Variants in BCKDHB observed in about 807,000 individuals in gnomAD.
BCKDHB encodes the protein 2-oxoisovalerate dehydrogenase subunit beta, mitochondrial.
Under a neutral mutation model 48.5 loss-of-function variants are expected in BCKDHB, and 41 were observed. The observed-to-expected ratio is 0.85, with a 90% CI of 0.66 to 1.10. The LOEUF (loss-of-function observed/expected upper bound fraction) is 1.10, where lower values mean the gene tolerates loss of function less well. BCKDHB is among the 50% of genes least tolerant of loss of function. The pLI is 0.00. For synonymous variants in BCKDHB, 201 were observed against 174.8 expected (o/e 1.15, Z -1.18); for missense variants, 496 against 494.2 (o/e 1.00, Z -0.03).
the BCKDHB span, among the ~76,000 whole-genome samples, chr6:80,403,881 A>T: frequency 2.6e-5 from 4 of 152,062 alleles, no homozygotes; most frequent in South Asian, 8.3e-4. Context: ...TATGACATTT[A>T]TTAATTTGTG....
chr6:80,138,433 T>C (rs958687439), intron 3 of BCKDHB, among the ~76,000 whole-genome samples: 1 of 152,028 alleles, frequency 6.6e-6, no homozygotes, highest in Admixed American at 6.6e-5. Context: ...CCCAATGCTA[T>C]TCCTCCCCCG....
At chr6:80,179,254 C>T (rs922768721) in intron 6 of BCKDHB, among the ~76,000 whole-genome samples, 3 of 151,784 alleles carry the variant, frequency 2.0e-5, no homozygotes, top group Non-Finnish European at 4.4e-5. Flanking sequence ...TCCATGTTGC[C>T]CAGGCTGATA....
At chr6:80,321,896 T>G (rs1468382054) in intron 9 of BCKDHB, among the ~76,000 whole-genome samples, 1 of 152,198 alleles carries the variant, frequency 6.6e-6, no homozygotes, top group Non-Finnish European at 1.5e-5. Context: ...TCAAATGTGT[T>G]TTCTGACTTC....
the BCKDHB span, chr6:80,356,061 G>A: frequency 6.6e-6 from 1 of 152,190 alleles, no homozygotes; most frequent in East Asian, 1.9e-4. Flanking sequence ...CATCAGACAA[G>A]TGAATTAACT....
At chr6:80,148,342 CA>C (rs1391053620) in intron 3 of BCKDHB, among the ~76,000 whole-genome samples, 1 of 152,090 alleles carries the variant, frequency 6.6e-6, no homozygotes, top group Non-Finnish European at 1.5e-5. Flanking sequence ...TTATTAGTTT[CA>C]GATCAGTGTA....
intron 9 of BCKDHB, among the ~76,000 whole-genome samples, chr6:80,309,253 A>G (rs1156282768): frequency 6.6e-6 from 1 of 151,656 alleles, no homozygotes; most frequent in African/African-American, 2.4e-5. Flanking sequence ...TAGTAGAGAC[A>G]GGGGTTTCAC....
the BCKDHB span, among the ~76,000 whole-genome samples, chr6:80,370,816 A>ATG: frequency 1.1e-3 from 132 of 125,480 alleles, 1 homozygote; most frequent in African/African-American, 3.5e-3. Context: ...GTGTATATAT[A>ATG]TATGTGTGTG....
intron 8 of BCKDHB, among the ~76,000 whole-genome samples, chr6:80,266,298 C>T (rs1777511031): frequency 6.6e-6 from 1 of 151,972 alleles, no homozygotes. Context: ...CAAAAACAAC[C>T]TGACAAGCAG....
chr6:80,209,375 CAAG>C (rs1341113251), intron 8 of BCKDHB, among the ~76,000 whole-genome samples: 28 of 151,824 alleles, frequency 1.8e-4, no homozygotes, highest in African/African-American at 6.0e-4. Flanking sequence ...ATTGTAAGGC[CAAG>C]AAGAGCCAGA....
the BCKDHB span, among the ~76,000 whole-genome samples, chr6:80,402,723 G>T: frequency 6.6e-6 from 1 of 151,752 alleles, no homozygotes; most frequent in East Asian, 1.9e-4. Flanking sequence ...TCTTCTAGAA[G>T]TTTATGATTT....
intron 9 of BCKDHB, among the ~76,000 whole-genome samples, chr6:80,276,902 T>C (rs1777989317): frequency 6.6e-6 from 1 of 152,014 alleles, no homozygotes; most frequent in Non-Finnish European, 1.5e-5. Flanking sequence ...ATTTACGAAG[T>C]GCTTTATATT....
chr6:80,451,811 A>AGGT, the BCKDHB span, among the ~76,000 whole-genome samples: 9 of 152,214 alleles, frequency 5.9e-5, no homozygotes, highest in African/African-American at 1.9e-4. Flanking sequence ...CATTTAGACA[A>AGGT]GGTCCTGGGC....
chr6:80,364,011 G>A, the BCKDHB span, among the ~76,000 whole-genome samples: 2 of 152,188 alleles, frequency 1.3e-5, no homozygotes, highest in East Asian at 3.8e-4. Context: ...AGGCAGTGGG[G>A]TAAAAGTTGC....
At chr6:80,407,198 C>G in the BCKDHB span, among the ~76,000 whole-genome samples, 2 of 152,068 alleles carry the variant, frequency 1.3e-5, no homozygotes, top group African/African-American at 4.8e-5. Context: ...GGCCTCTGTT[C>G]TGTTTCATTT....
intron 3 of BCKDHB, among the ~76,000 whole-genome samples, chr6:80,132,378 C>T (rs1219185822): frequency 3.9e-5 from 6 of 152,112 alleles, no homozygotes; most frequent in Admixed American, 3.9e-4. Flanking sequence ...TCCCTAGGAC[C>T]TAATATTGTA....
At chr6:80,283,834 A>T (rs1472529819) in intron 9 of BCKDHB, among the ~76,000 whole-genome samples, 1 of 152,142 alleles carries the variant, frequency 6.6e-6, no homozygotes, top group Non-Finnish European at 1.5e-5. Flanking sequence ...TCTAACTACA[A>T]TAAGGTTATT....
the BCKDHB span, among the ~76,000 whole-genome samples, chr6:80,362,595 A>G: frequency 6.6e-6 from 1 of 152,308 alleles, no homozygotes; most frequent in South Asian, 2.1e-4. Flanking sequence ...GGCCATGTAT[A>G]GAGGGACACC....
At chr6:80,210,454 G>A (rs1774870440) in intron 8 of BCKDHB, among the ~76,000 whole-genome samples, 1 of 152,130 alleles carries the variant, frequency 6.6e-6, no homozygotes, top group Non-Finnish European at 1.5e-5. Flanking sequence ...GGAAGAGTGT[G>A]TAAGGGCTAT....
the BCKDHB span, among the ~76,000 whole-genome samples, chr6:80,430,260 A>C: frequency 6.6e-6 from 1 of 152,256 alleles, no homozygotes; most frequent in Non-Finnish European, 1.5e-5. Context: ...TGCAGGATTC[A>C]GTTTCCCAGT....
Sources: allele counts gnomAD v4.1 joint callset (sites outside exome capture counted in the v4.1 genomes callset), GRCh38; gene constraint gnomAD v4.1.1; transcripts MANE v1.5; gene names NCBI Gene and HGNC (gene_info 2026-07-23, HGNC 2026-07-21).